The following F8 variants were observed in gnomAD, a reference collection of about 807,000 sequenced individuals.
F8 encodes coagulation factor VIII.
A neutral mutation model predicts 140.6 loss-of-function variants in F8; 12 were observed. The observed-to-expected ratio is 0.09, with a 90% CI of 0.05 to 0.14. F8 has a LOEUF of 0.14. F8 is among the 10% of genes least tolerant of loss of function. The pLI is 1.00. For missense variants in F8, 1,354 were observed against 1,720.7 expected (o/e 0.79, Z 3.77); for synonymous variants, 585 against 614.6 (o/e 0.95, Z 0.71).
At chrX:154,898,950 C>A (rs891943747) in intron 21 of F8, among the ~76,000 whole-genome samples, 17 of 111,302 alleles carry the variant, frequency 1.5e-4, no homozygotes, top group Non-Finnish European at 3.2e-4. Context: ...TCCGCCCTCC[C>A]AAATAAGAAT....
intron 13 of F8, among the ~76,000 whole-genome samples, chrX:154,937,037 A>G (rs1341687369): frequency 9.0e-6 from 1 of 111,696 alleles, no homozygotes; most frequent in Non-Finnish European, 1.9e-5. Context: ...TAATAAAAAT[A>G]TGACTCATCA....
At chrX:154,859,304 CTTTT>C (rs782710528) in intron 25 of F8, among the ~76,000 whole-genome samples, 3 of 95,551 alleles carry the variant, frequency 3.1e-5, no homozygotes, top group African/African-American at 7.5e-5. Flanking sequence ...AGCGTATTTT[CTTTT>C]TTTTTTTTTT....
chrX:154,972,481 C>T (rs1430624422), intron 6 of F8, among the ~76,000 whole-genome samples: 1 of 110,974 alleles, frequency 9.0e-6, no homozygotes, highest in African/African-American at 3.3e-5. Context: ...TGTCTCTTCA[C>T]TCTGTTGATT....
At chrX:154,942,601 G>T (rs1337368080) in intron 13 of F8, among the ~76,000 whole-genome samples, 1 of 111,595 alleles carries the variant, frequency 9.0e-6, no homozygotes, top group Non-Finnish European at 1.9e-5. Flanking sequence ...AGGAGGAATT[G>T]GTACCATTCC....
At chrX:154,982,048 G>T (rs1230316910) in intron 6 of F8, among the ~76,000 whole-genome samples, 2 of 109,926 alleles carry the variant, frequency 1.8e-5, no homozygotes, top group Admixed American at 1.9e-4. Flanking sequence ...GGTGGGCGTG[G>T]TGGCACATGC....
At position 154,908,418 on chromosome X, in the gene F8, C is replaced by A. The variant is rs1440194576; in HGVS notation, c.5220-1845G>T. Among the ~76,000 whole-genome samples, 3 of 112,425 alleles carry A rather than the reference C, an allele frequency of 2.7e-5. No individual in the cohort carries two copies. The Admixed American group carries it at 2.8e-4, about 11-fold the overall frequency. On this transcript the variant is annotated intron_variant, in intron 14 of 25. Transcript: ENST00000360256. ...TTCTTCCTCTTCAAGAAGGACTTGG[C>A]TATTCATAAACCTTTACATTTTCAT... is the stretch of plus-strand genomic sequence containing the variant.
At chrX:154,880,647 T>C (rs1417146593) in intron 22 of F8, among the ~76,000 whole-genome samples, 2 of 112,251 alleles carry the variant, frequency 1.8e-5, no homozygotes, top group African/African-American at 6.5e-5. Flanking sequence ...AAATGCCAAA[T>C]AAAATTTTGT....
intron 13 of F8, among the ~76,000 whole-genome samples, chrX:154,935,708 T>G (rs2073220435): frequency 9.0e-6 from 1 of 110,818 alleles, no homozygotes; most frequent in Non-Finnish European, 1.9e-5. Context: ...AGTTCATCAA[T>G]TAACTCAACA....
At chrX:155,021,277 T>G (rs782171707) in intron 1 of F8, among the ~76,000 whole-genome samples, 52 of 110,317 alleles carry the variant, frequency 4.7e-4, no homozygotes, top group African/African-American at 1.6e-3. Context: ...CTAGCTGAGG[T>G]GGGGGAGAAG....
intron 1 of F8, 80 bp downstream of exon 1, chrX:155,022,330 C>T (rs781891719): frequency 4.8e-6 from 5 of 1,048,386 alleles, no homozygotes; most frequent in Non-Finnish European, 5.3e-6. Context: ...CATCCTAACC[C>T]GATGTCTGCA....
chrX:154,963,655 T>C (rs1399795195), intron 9 of F8, among the ~76,000 whole-genome samples: 2 of 111,746 alleles, frequency 1.8e-5, no homozygotes, highest in African/African-American at 6.5e-5. Context: ...TAATTCAAGA[T>C]CACAAAGATT....
rs1349439677 is a variant in F8, at chrX:154,896,011, AT to A, written c.6429+65del. The A allele has an allele frequency of 3.8e-6, 4 of 1,051,534 alleles. No individual in the cohort carries two copies. The African/African-American group carries it at 7.4e-5, about 19-fold the overall frequency. 86.7% of individuals were successfully genotyped at this position (1,051,534 alleles called of 1,213,427 possible). ...TGTGGAAGCTAAGAGTGTTTGTCCAATATCTGAAATCTGCCAAAATTCTTTA... is the reference window on the plus strand; with the variant it reads ...TGTGGAAGCTAAGAGTGTTTGTCCAAATCTGAAATCTGCCAAAATTCTTTA... On this transcript the variant is annotated intron_variant, in intron 22 of 25. Transcript: ENST00000360256.
intron 22 of F8, among the ~76,000 whole-genome samples, chrX:154,865,862 A>C (rs2072727989): frequency 9.0e-6 from 1 of 111,576 alleles, no homozygotes; most frequent in Admixed American, 9.6e-5. Flanking sequence ...CCTATCAATA[A>C]TTACTTTAAG....
chrX:154,930,014 T>C lies in F8; in HGVS notation c.3776A>G (p.Tyr1259Cys). ...AAGTACTGGAGCATATGCCCCGTCA[T>C]ATGAACCTTCTACATTTTGCCTAGT... ...LSTRQNVEGS[Y>C]DGAYAPVLQD... Residue 1259 changes from tyrosine (Y) to cysteine (C), a missense_variant, in exon 14 of 26, where the codon TAT becomes TGT. By Grantham distance (194) the Tyr-to-Cys change is radical. This residue lies in a region of F8 where 658 missense variants were observed against 666.5 expected (regional missense o/e 0.99). Transcript: ENST00000360256. The C allele has an allele frequency of 4.1e-6, 5 of 1,211,467 alleles. No individual in the cohort carries two copies. Among genetic ancestry groups the C allele is most frequent in the Non-Finnish European group, 5.6e-6 (5 of 895,240 alleles).
chrX:155,009,786 T>C (rs1557286408), intron 1 of F8, among the ~76,000 whole-genome samples: 1 of 111,344 alleles, frequency 9.0e-6, no homozygotes, highest in Non-Finnish European at 1.9e-5. Context: ...AAAATGAAGA[T>C]ATAAGACACA....
chrX:154,942,382 C>T (rs1425295280), intron 13 of F8, among the ~76,000 whole-genome samples: 2 of 109,149 alleles, frequency 1.8e-5, no homozygotes, highest in Non-Finnish European at 3.8e-5. Flanking sequence ...GAGAATACTA[C>T]AAACACCTCT....
At position 154,912,438 on chromosome X, in the gene F8, A is replaced by G; in HGVS notation, c.5220-5865T>C. ...TGCATGTGGATATCCAGTTTTCCCA[A>G]CATCATTTATTGAAGAGACTATTCT... On this transcript the variant is annotated intron_variant, in intron 14 of 25. Transcript: ENST00000360256. 2.7e-5 allele frequency among the ~76,000 whole-genome samples: 3 copies of G among 112,416 alleles called. No homozygotes were observed. The Admixed American group carries it at 2.8e-4, about 11-fold the overall frequency.
At chrX:154,983,672 G>A (rs1456163844) in intron 6 of F8, among the ~76,000 whole-genome samples, 9 of 112,300 alleles carry the variant, frequency 8.0e-5, no homozygotes, top group African/African-American at 2.9e-4. Flanking sequence ...AAGTGGGTGA[G>A]GTCCCAAAGG....
intron 1 of F8, among the ~76,000 whole-genome samples, chrX:155,002,598 C>A (rs868923082): frequency 1.0e-5 from 1 of 98,388 alleles, no homozygotes; most frequent in South Asian, 5.3e-4. Flanking sequence ...GTACTTTTAC[C>A]ATTGGCATAT....
Sources: allele counts gnomAD v4.1 joint callset (sites outside exome capture counted in the v4.1 genomes callset), GRCh38; gene constraint gnomAD v4.1.1; regional missense constraint gnomAD v4.1.1; transcripts MANE v1.5; gene names NCBI Gene and HGNC (gene_info 2026-07-23, HGNC 2026-07-21).